Variants in TMEM144 observed in about 807,000 individuals in gnomAD.
The protein encoded by TMEM144 is transmembrane protein 144.
TMEM144 carries 39 observed loss-of-function variants against 43.6 expected under a neutral mutation model. The observed-to-expected ratio is 0.90, with a 90% CI of 0.69 to 1.17. TMEM144 has a LOEUF of 1.17. Among genes scored for constraint, TMEM144 ranks in the 50% most tolerant of loss-of-function variants. TMEM144 has a pLI of 0.00. For missense variants in TMEM144, 417 were observed against 411.9 expected, an observed-to-expected ratio of 1.01 and a Z score of -0.11; for synonymous variants, 154 against 133.6, an observed-to-expected ratio of 1.15 and a Z score of -1.06.
At position 158,217,381 on chromosome 4, in the gene TMEM144, G is replaced by A. The variant is rs1367587075; in HGVS notation, c.293G>A (p.Trp98Ter). 2.5e-6 allele frequency: 4 copies of A among 1,613,130 alleles called. No individual in the cohort carries two copies. Among genetic ancestry groups the A allele is most frequent in the Non-Finnish European group, 3.4e-6 (4 of 1,179,426 alleles). The change falls in exon 5 of 13, where the codon TGG (tryptophan) becomes TAG (stop). Residue 98 changes from tryptophan to a stop codon, truncating the protein, a stop_gained. Coordinates refer to ENST00000296529, the MANE Select transcript of TMEM144 (RefSeq NM_018342.5). LOFTEE classifies it high-confidence loss of function. ...GGTTTAGGCCTTGGAATCTTAATCT[G>A]GGGATCATTTAATGCCTTAACTGGC... ...TIGLGLGILI[W>*]GSFNALTGWA...
chr4:158,213,626 G>A (rs978742745), intron 3 of TMEM144: 1 of 152,220 alleles, frequency 6.6e-6, no homozygotes, highest in Non-Finnish European at 1.5e-5. Flanking sequence ...TGGGGAAGGA[G>A]AAGCAAGAGT....
rs74666610 is a variant in TMEM144 at position 158,233,036 on chromosome 4, G to A, written c.495+54G>A. The A allele has an allele frequency of 1.0e-3, 1,398 of 1,335,634 alleles. 18 individuals are homozygous for A. The African/African-American group carries it at 0.019, about 18-fold the overall frequency. The allele number at this position is 1,335,634 out of a possible 1,614,324, so 82.7% of individuals were successfully genotyped here. On this transcript the variant is annotated intron_variant, in intron 7 of 12. Coordinates refer to ENST00000296529, the MANE Select transcript of TMEM144 (RefSeq NM_018342.5). ...TTGAAACATAAAATTAAGATAAATG[G>A]ATAATACATAAATTTTAAACACAGA...
At chr4:158,235,359 A>G in intron 7 of TMEM144, 79 bp from the exon 8 acceptor site, 3 of 1,440,836 alleles carry the variant, frequency 2.1e-6, no homozygotes, top group Non-Finnish European at 1.9e-6. Context: ...GAGAAGAGAA[A>G]AGCACTAGAA....
intron 12 of TMEM144, among the ~76,000 whole-genome samples, chr4:158,245,741 A>G (rs1297302469): frequency 3.9e-5 from 6 of 152,126 alleles, no homozygotes; most frequent in Non-Finnish European, 8.8e-5. Flanking sequence ...CCTAGGCAAC[A>G]TAGCAAAACC....
rs781482487 is a variant in TMEM144, at chr4:158,241,496, CTT to C, written c.803-11_803-10del. 6.2e-7 allele frequency: 1 copy of C among 1,608,404 alleles called. No homozygotes were observed. Among genetic ancestry groups the C allele is most frequent in the Admixed American group, 1.7e-5 (1 of 59,966 alleles). ...AACATGGTCTGCAAATGTGTGTTGT[CTT>C]TGTATTTCAGGATTCCTGTCAGGAG... On this transcript the variant is annotated splice_polypyrimidine_tract_variant and intron_variant, in intron 10 of 12. Transcript: ENST00000296529.
In TMEM144 at chr4:158,252,371, A is replaced by T. The variant is rs141596879; in HGVS notation, c.955-1073A>T. Among the ~76,000 whole-genome samples, 853 of 152,116 alleles carry T rather than the reference A, an allele frequency of 5.6e-3. 11 individuals carry two copies. Among genetic ancestry groups the T allele is most frequent in the African/African-American group, 0.02 (818 of 41,484 alleles). ...TCCATCTCCATCTCTCCATCTACCC[A>T]TCATCATCTTTTCCCTGGGAGACTA... On this transcript the variant is annotated intron_variant, in intron 12 of 12. Transcript: ENST00000296529.
At chr4:158,217,160 C>T (rs1276511059) in intron 4 of TMEM144, among the ~76,000 whole-genome samples, 161 bp from the exon 5 acceptor site, 3 of 152,186 alleles carry the variant, frequency 2.0e-5, no homozygotes, top group South Asian at 4.1e-4. Context: ...AATTTAATGC[C>T]AAAAATGTGG....
chr4:158,217,246 A>G (rs1734267463), intron 4 of TMEM144, 75 bp from the exon 5 acceptor site: 1 of 1,070,308 alleles, frequency 9.3e-7, no homozygotes, highest in Admixed American at 2.3e-5. Flanking sequence ...TGAAGTTAGA[A>G]TAAAAACTAA....
At position 158,253,745 on chromosome 4, in the gene TMEM144, A is replaced by G; in HGVS notation, c.*218A>G. 1.9e-6 allele frequency: 1 copy of G among 532,388 alleles called. No homozygotes were observed. The highest frequency in any genetic ancestry group is 3.4e-6 in the Non-Finnish European group (1 of 296,872). 33.0% of individuals were successfully genotyped at this position (532,388 alleles called of 1,614,324 possible). A position where few individuals can be genotyped will look rare whatever the true frequency, so the allele number is the denominator to read the frequency against. On this transcript the variant is annotated 3_prime_UTR_variant, in exon 13 of 13. Transcript: ENST00000296529. ...GAAAATTTCTTCTGATGAACTGTTT[A>G]TGAAGGTAGTACTTTACTGGGTGAC...
At chr4:158,229,129 G>T (rs113391687) in intron 6 of TMEM144, among the ~76,000 whole-genome samples, 5 of 152,208 alleles carry the variant, frequency 3.3e-5, no homozygotes, top group African/African-American at 1.2e-4. Flanking sequence ...TTCAGGTCTG[G>T]TTCCTTGGTT....
At chr4:158,239,241 AACAG>A (rs1386286242) in intron 9 of TMEM144, among the ~76,000 whole-genome samples, 38 of 152,336 alleles carry the variant, frequency 2.5e-4, no homozygotes, top group African/African-American at 7.9e-4. Flanking sequence ...GACTTAGAGC[AACAG>A]ACAAACTCTC....
chr4:158,243,447 G>A (rs962742457), intron 11 of TMEM144, among the ~76,000 whole-genome samples: 8 of 152,050 alleles, frequency 5.3e-5, no homozygotes, highest in Admixed American at 3.3e-4. Context: ...AAACATTTTG[G>A]AATCTATTTG....
Position 158,253,568 on chromosome 4 carries a change from C to A in TMEM144, c.*41C>A. ...CAGGTGGCAGCAGTAGTTAAGAGAA[C>A]GCGTCTATCGGACAGCGGAGAGATC... On this transcript the variant is annotated 3_prime_UTR_variant, in exon 13 of 13. Transcript: ENST00000296529. The A allele has an allele frequency of 6.7e-7, 1 of 1,497,310 alleles. No individual in the cohort carries two copies. Among genetic ancestry groups the A allele is most frequent in the Non-Finnish European group, 9.3e-7 (1 of 1,077,040 alleles). 92.8% of individuals were successfully genotyped at this position (1,497,310 alleles called of 1,614,324 possible). A position where few individuals can be genotyped will look rare whatever the true frequency, so the allele number is the denominator to read the frequency against.
intron 12 of TMEM144, among the ~76,000 whole-genome samples, chr4:158,246,886 A>G (rs1056274198): frequency 2.0e-5 from 3 of 151,982 alleles, no homozygotes; most frequent in Admixed American, 6.5e-5. Context: ...CATGACTACA[A>G]TAATAATACT....
chr4:158,212,622 T>C lies in TMEM144; in HGVS notation c.-46T>C. The C allele has an allele frequency of 7.1e-7, 1 of 1,401,964 alleles. No individual in the cohort carries two copies. The allele number at this position is 1,401,964 out of a possible 1,614,324, so 86.8% of individuals were successfully genotyped here. ...TTTTATTTCAGAAGCTCCTGAAAAG[T>C]ACATCAAGTCTAAAGTGAACCAGCT... On this transcript the variant is annotated 5_prime_UTR_variant, in exon 3 of 13. Transcript: ENST00000296529.
chr4:158,240,112 C>T (rs1203040467), intron 9 of TMEM144, among the ~76,000 whole-genome samples, 187 bp from the exon 10 acceptor site: 2 of 152,126 alleles, frequency 1.3e-5, no homozygotes, highest in African/African-American at 2.4e-5. Context: ...GTCTCGATCT[C>T]CTGACCTCGT....
chr4:158,215,173 G>C lies in TMEM144; in HGVS notation c.110-18G>C. 6.2e-7 allele frequency: 1 copy of C among 1,613,298 alleles called. No individual in the cohort carries two copies. Among genetic ancestry groups the C allele is most frequent in the Middle Eastern group, 1.7e-4 (1 of 6,058 alleles). ...CAATTCAATTTGAACCACTAACACT[G>C]AGTTTGTTTATTTCTAGGAATGTTT... On this transcript the variant is annotated intron_variant, in intron 3 of 12. Transcript: ENST00000296529.
At chr4:158,222,873 A>G (rs1323193278) in intron 6 of TMEM144, among the ~76,000 whole-genome samples, 5 of 152,224 alleles carry the variant, frequency 3.3e-5, no homozygotes, top group Admixed American at 6.5e-5. Context: ...ATTGGGTAAA[A>G]CATCAAGTTT....
chr4:158,221,125 T>G (rs1025343934), intron 6 of TMEM144, among the ~76,000 whole-genome samples: 7 of 152,206 alleles, frequency 4.6e-5, no homozygotes, highest in African/African-American at 1.7e-4. Flanking sequence ...TAATTTCTAG[T>G]CTTACATTTT....
Sources: gnomAD v4.1 joint callset for allele counts (sites outside exome capture counted in the v4.1 genomes callset) on GRCh38, gnomAD v4.1.1 for gene constraint, MANE v1.5 for transcripts, NCBI Gene and HGNC (gene_info 2026-07-23, HGNC 2026-07-21) for gene names.